Variants in MIER2 observed in about 807,000 individuals in gnomAD.
MIER2 encodes the protein MIER family member 2, also known as mesoderm induction early response protein 2.
MIER2 carries 30 observed loss-of-function variants against 67.6 expected under a neutral mutation model. That is an observed-to-expected ratio of 0.44 (90% CI 0.33 to 0.60). MIER2 has a LOEUF of 0.60. Among genes scored for constraint, MIER2 ranks in the 20% least tolerant of loss-of-function variants. The probability of loss-of-function intolerance (pLI) is 0.02; values close to 1 mark genes in which losing one functional copy is unlikely to be tolerated. For missense variants in MIER2, 702 were observed against 745.1 expected, an observed-to-expected ratio of 0.94 and a Z score of 0.67; for synonymous variants, 372 against 312.6, an observed-to-expected ratio of 1.19 and a Z score of -2.00.
intron 1 of MIER2, among the ~76,000 whole-genome samples, chr19:339,959 A>C (rs891776448): frequency 6.6e-6 from 1 of 152,198 alleles, no homozygotes; most frequent in African/African-American, 2.4e-5. Context: ...AAAACGGTGA[A>C]CTGCATGGTA....
intron 1 of MIER2, among the ~76,000 whole-genome samples, chr19:341,076 G>A (rs1388453973): frequency 6.6e-6 from 1 of 152,204 alleles, no homozygotes; most frequent in Non-Finnish European, 1.5e-5. Context: ...CACGCGGTGT[G>A]AAGCCACAGG....
chr19:344,440 C>G (rs1351883708), intron 1 of MIER2: 2 of 943,316 alleles, frequency 2.1e-6, no homozygotes, highest in Non-Finnish European at 2.5e-6. Context: ...GACCCTGGAA[C>G]GGAGCCGCGC....
intron 5 of MIER2, 134 bp from the exon 6 acceptor site, chr19:326,732 C>G: frequency 1.4e-6 from 1 of 709,848 alleles, no homozygotes; most frequent in Admixed American, 2.3e-5. Context: ...ATTGGGTAAA[C>G]AGATGGGCAC....
chr19:344,497 CCCCACCCCGGCCCCCG>C (rs1283353149), intron 1 of MIER2: 1 of 495,358 alleles, frequency 2.0e-6, no homozygotes. Context: ...CCCTCCCCTC[CCCCACCCCGGCCCCCG>C]CCCGCCCCGC....
At chr19:314,528 A>G (rs1212263069) in intron 7 of MIER2, among the ~76,000 whole-genome samples, 1 of 152,184 alleles carries the variant, frequency 6.6e-6, no homozygotes, top group East Asian at 1.9e-4. Flanking sequence ...CGCACTGGGG[A>G]AAACAGCTCC....
At chr19:335,000 G>A (rs893078607) in intron 2 of MIER2, among the ~76,000 whole-genome samples, 6 of 152,178 alleles carry the variant, frequency 3.9e-5, no homozygotes, top group Non-Finnish European at 5.9e-5. Context: ...ACAAACCAAT[G>A]GGGGCTCGAC....
chr19:320,952 C>T (rs188849183), intron 7 of MIER2, among the ~76,000 whole-genome samples: 37 of 152,266 alleles, frequency 2.4e-4, no homozygotes, highest in African/African-American at 6.7e-4. Context: ...GACAGAACGT[C>T]GGCACTACAT....
chr19:307,886 TGC>T (rs1225704755), intron 12 of MIER2, among the ~76,000 whole-genome samples: 1 of 120,422 alleles, frequency 8.3e-6, no homozygotes, highest in Non-Finnish European at 1.7e-5. Context: ...CCGGGGGCGC[TGC>T]GAGGGCTAAT....
Position 308,851 on chromosome 19 carries a change from G to A in MIER2, c.1059C>T (p.Phe353=), listed in dbSNP as rs369643922. ...LWKKSERYDY[F]AQQTRLGRRK... The stretch of plus-strand genomic sequence containing the variant: ...TCCGGCCCAGCCGCGTCTGCTGGGC[G>A]AAGTAGTCGTAGCGCTCCGACTTCT... Residue 353 remains phenylalanine, a synonymous_variant, in exon 11 of 14, where the codon TTC becomes TTT. Transcript: ENST00000264819. The surrounding 1 kb of genome is among the most constrained non-coding windows in gnomAD (Gnocchi z 9.1). 2.0e-5 allele frequency: 33 copies of A among 1,610,918 alleles called. No homozygotes were observed. The highest frequency in any genetic ancestry group is 8.8e-5 in the South Asian group (8 of 91,068).
intron 7 of MIER2, among the ~76,000 whole-genome samples, chr19:314,981 T>C (rs2145387713): frequency 6.6e-6 from 1 of 152,250 alleles, no homozygotes; most frequent in East Asian, 1.9e-4. Flanking sequence ...AAGGTGGGAC[T>C]GAGCCCAGGA....
chr19:308,517 T>A lies in MIER2; in HGVS notation c.1198+60A>T. The A allele has an allele frequency of 6.7e-7, 1 of 1,502,220 alleles. No individual in the cohort carries two copies. The highest frequency in any genetic ancestry group is 9.0e-7 in the Non-Finnish European group (1 of 1,111,988). 93.1% of individuals were successfully genotyped at this position (1,502,220 alleles called of 1,614,324 possible). On this transcript the variant is annotated intron_variant, in intron 12 of 13. Coordinates refer to ENST00000264819, the MANE Select transcript of MIER2 (RefSeq NM_017550.3). The surrounding 1 kb of genome is among the most constrained non-coding windows in gnomAD (Gnocchi z 9.1). ...CAGGCAGGAGAGGCTCCACCGGGCC[T>A]CACTCACGGCTCCAGACCCGTGGCC...
At chr19:319,651 G>A (rs536361108) in intron 7 of MIER2, among the ~76,000 whole-genome samples, 28 of 152,136 alleles carry the variant, frequency 1.8e-4, no homozygotes, top group Non-Finnish European at 3.2e-4. Flanking sequence ...TAGCGACAGG[G>A]TTTCACCATG....
At chr19:310,639 A>ACGGCCCGGAGCTGTAGAAACACG (rs1344268335) in intron 10 of MIER2, among the ~76,000 whole-genome samples, 2 of 126,760 alleles carry the variant, frequency 1.6e-5, no homozygotes, top group African/African-American at 7.3e-5. Context: ...CTATAGAAAC[A>ACGGCCCGGAGCTGTAGAAACACG]GCCCAGAGTC....
chr19:329,093 T>C (rs552017500), intron 3 of MIER2, among the ~76,000 whole-genome samples: 2 of 152,268 alleles, frequency 1.3e-5, no homozygotes, highest in East Asian at 3.9e-4. Context: ...GTGGGTCACT[T>C]TCAGCTTCCA....
rs376396436 is a variant in MIER2, at chr19:326,471, G to A, written c.585+36C>T. The A allele has an allele frequency of 1.5e-4, 243 of 1,581,932 alleles. 4 individuals are homozygous for A. Among genetic ancestry groups the A allele is most frequent in the South Asian group, 1.1e-3 (95 of 90,194 alleles). On this transcript the variant is annotated intron_variant, in intron 6 of 13. Coordinates refer to ENST00000264819, the MANE Select transcript of MIER2 (RefSeq NM_017550.3). ...TTGGGGAGACGGCAGAACCACGGCC[G>A]GGATGCCAGGTTGGGGAGATGGCAG...
chr19:334,678 C>G, intron 2 of MIER2, 136 bp from the exon 3 acceptor site: 1 of 1,162,470 alleles, frequency 8.6e-7, no homozygotes. Flanking sequence ...ATGAGGGAAC[C>G]CAACAGGACA....
At chr19:327,430 G>A (rs548123723) in intron 4 of MIER2, among the ~76,000 whole-genome samples, 174 bp from the exon 5 acceptor site, 3 of 152,336 alleles carry the variant, frequency 2.0e-5, no homozygotes, top group African/African-American at 4.8e-5. Context: ...AAGGAGACAC[G>A]TGGGAGCCCA....
intron 10 of MIER2, among the ~76,000 whole-genome samples, chr19:310,363 C>T (rs1303575138): frequency 5.3e-5 from 8 of 152,190 alleles, no homozygotes; most frequent in Non-Finnish European, 2.9e-5. Context: ...AAACCTCAAA[C>T]GCACGCCACG....
chr19:334,268 A>G, intron 3 of MIER2, 132 bp downstream of exon 3: 3 of 1,302,918 alleles, frequency 2.3e-6, no homozygotes, highest in East Asian at 2.3e-5. Context: ...CTACTAGGAC[A>G]GCATCTGGCA....
Sources: gnomAD v4.1 joint callset for allele counts (sites outside exome capture counted in the v4.1 genomes callset) on GRCh38, gnomAD v4.1.1 for gene constraint, Gnocchi (gnomAD v3.1) non-coding constraint, MANE v1.5 for transcripts, NCBI Gene and HGNC (gene_info 2026-07-23, HGNC 2026-07-21) for gene names.